CBFA2T2: variants seen among roughly 807,000 people sequenced by gnomAD.
The protein encoded by CBFA2T2 is protein CBFA2T2.
CBFA2T2 carries 11 observed loss-of-function variants against 62.2 expected under a neutral mutation model. That is an observed-to-expected ratio of 0.18 (90% CI 0.11 to 0.29). The LOEUF is 0.29. CBFA2T2 is among the 10% of genes least tolerant of loss of function. CBFA2T2 has a pLI of 1.00. For missense variants in CBFA2T2, 592 were observed against 774.1 expected, an observed-to-expected ratio of 0.76 and a Z score of 2.79; for synonymous variants, 295 against 287.5, an observed-to-expected ratio of 1.03 and a Z score of -0.27.
intron 1 of CBFA2T2, among the ~76,000 whole-genome samples, chr20:33,550,317 A>G (rs961861406): frequency 6.6e-6 from 1 of 152,208 alleles, no homozygotes; most frequent in Non-Finnish European, 1.5e-5. Flanking sequence ...TGAAGACAGC[A>G]TAATTTGATT....
chr20:33,525,041 G>T (rs1289463387), intron 1 of CBFA2T2, among the ~76,000 whole-genome samples: 2 of 152,164 alleles, frequency 1.3e-5, no homozygotes, highest in African/African-American at 2.4e-5. Context: ...TCACCATGTT[G>T]TCCAGGCTGG....
At chr20:33,640,657 A>G (rs1230078696) in intron 10 of CBFA2T2, 126 bp downstream of exon 10, 3 of 784,468 alleles carry the variant, frequency 3.8e-6, no homozygotes, top group Non-Finnish European at 6.1e-6. Context: ...GATAATTTTT[A>G]TCCAGTGCCA....
chr20:33,518,983 A>G (rs1210690290), intron 1 of CBFA2T2, among the ~76,000 whole-genome samples: 2 of 151,996 alleles, frequency 1.3e-5, no homozygotes, highest in Non-Finnish European at 2.9e-5. Context: ...CACCATGCCC[A>G]GCTAAGTTTT....
chr20:33,551,048 A>G (rs1050327215), intron 1 of CBFA2T2, among the ~76,000 whole-genome samples: 1 of 152,134 alleles, frequency 6.6e-6, no homozygotes, highest in African/African-American at 2.4e-5. Flanking sequence ...TTAAGTATGG[A>G]TAGTTTTCCA....
chr20:33,541,812 G>A (rs1237510689), intron 1 of CBFA2T2, among the ~76,000 whole-genome samples: 1 of 152,010 alleles, frequency 6.6e-6, no homozygotes, highest in Non-Finnish European at 1.5e-5. Flanking sequence ...CTTGTGTTAT[G>A]CATACATTTA....
chr20:33,519,545 C>T (rs12479492), intron 1 of CBFA2T2, among the ~76,000 whole-genome samples: 7,709 of 152,174 alleles, frequency 0.051, 510 homozygotes, highest in Admixed American at 0.16. Context: ...TACCATTTTA[C>T]GTAAGAGACT....
intron 1 of CBFA2T2, among the ~76,000 whole-genome samples, chr20:33,500,051 G>A (rs936259660): frequency 2.0e-5 from 3 of 151,812 alleles, no homozygotes; most frequent in Non-Finnish European, 4.4e-5. Context: ...CTCCACCACC[G>A]AGGTTCAAGC....
At chr20:33,613,638 G>T (rs2015603677) in intron 3 of CBFA2T2, among the ~76,000 whole-genome samples, 1 of 152,172 alleles carries the variant, frequency 6.6e-6, no homozygotes, top group Non-Finnish European at 1.5e-5. Context: ...TACCCTCTTA[G>T]AAGGAAAACC....
chr20:33,558,953 C>T (rs561454440), intron 1 of CBFA2T2, among the ~76,000 whole-genome samples: 172 of 151,616 alleles, frequency 1.1e-3, no homozygotes, highest in Non-Finnish European at 2.0e-3. Flanking sequence ...GAACATTGAA[C>T]CCAACACTTT....
chr20:33,608,635 G>A (rs1251298014), intron 2 of CBFA2T2, among the ~76,000 whole-genome samples: 2 of 152,084 alleles, frequency 1.3e-5, no homozygotes, highest in Non-Finnish European at 2.9e-5. Context: ...AAAAGAAACA[G>A]ATTTAAACCT....
intron 1 of CBFA2T2, among the ~76,000 whole-genome samples, chr20:33,583,694 T>C (rs1247277872): frequency 1.3e-5 from 2 of 152,194 alleles, no homozygotes; most frequent in East Asian, 3.8e-4. Context: ...CTGCATTTAG[T>C]AACCATTTCA....
At chr20:33,494,431 G>T (rs1339472248) in intron 1 of CBFA2T2, among the ~76,000 whole-genome samples, 1 of 148,426 alleles carries the variant, frequency 6.7e-6, no homozygotes, top group Non-Finnish European at 1.5e-5. Flanking sequence ...ACAGGTGCCC[G>T]CCGCCACGCC....
At chr20:33,552,102 A>T (rs1360274042) in intron 1 of CBFA2T2, among the ~76,000 whole-genome samples, 1 of 150,000 alleles carries the variant, frequency 6.7e-6, no homozygotes, top group Admixed American at 6.6e-5. Flanking sequence ...AGTTGACAAA[A>T]TTTTTTCCAA....
intron 1 of CBFA2T2, among the ~76,000 whole-genome samples, chr20:33,562,841 T>C (rs1332789504): frequency 6.6e-6 from 1 of 152,238 alleles, no homozygotes; most frequent in Non-Finnish European, 1.5e-5. Context: ...TATTTATGTT[T>C]CTATTTTTCT....
chr20:33,619,815 C>G (rs1330905335), intron 4 of CBFA2T2, among the ~76,000 whole-genome samples: 1 of 152,144 alleles, frequency 6.6e-6, no homozygotes, highest in East Asian at 1.9e-4. Flanking sequence ...TGTGTGCAGA[C>G]ACTGCTGCTA....
chr20:33,590,021 G>A (rs2014545237), intron 1 of CBFA2T2, among the ~76,000 whole-genome samples: 1 of 151,980 alleles, frequency 6.6e-6, no homozygotes, highest in African/African-American at 2.4e-5. Flanking sequence ...GTGAGGCCAA[G>A]GTGGCAGGAT....
At chr20:33,532,293 AGT>A (rs1490726875) in intron 1 of CBFA2T2, among the ~76,000 whole-genome samples, 3 of 152,214 alleles carry the variant, frequency 2.0e-5, no homozygotes, top group Admixed American at 6.5e-5. Flanking sequence ...AGAGCAGAAA[AGT>A]GTAATTCTGT....
At chr20:33,630,741 C>T (rs2016416447) in intron 8 of CBFA2T2, among the ~76,000 whole-genome samples, 1 of 152,180 alleles carries the variant, frequency 6.6e-6, no homozygotes, top group Middle Eastern at 3.2e-3. Flanking sequence ...CTCTGAGTTC[C>T]CAAATGTTCA....
At chr20:33,491,493 TG>T (rs1401978626) in intron 1 of CBFA2T2, among the ~76,000 whole-genome samples, 1 of 152,160 alleles carries the variant, frequency 6.6e-6, no homozygotes, top group Non-Finnish European at 1.5e-5. Context: ...GTCTCAGAGC[TG>T]ATGTCCTTAA....
Sources: allele counts gnomAD v4.1 joint callset (sites outside exome capture counted in the v4.1 genomes callset), GRCh38; gene constraint gnomAD v4.1.1; transcripts MANE v1.5; gene names NCBI Gene and HGNC (gene_info 2026-07-23, HGNC 2026-07-21).